RBFOX1: variants seen among roughly 807,000 people sequenced by gnomAD.
RBFOX1 encodes the protein RNA binding protein fox-1 homolog 1.
RBFOX1 carries 8 observed loss-of-function variants against 57.7 expected under a neutral mutation model. That is an observed-to-expected ratio of 0.14 (90% CI 0.08 to 0.25). The LOEUF (loss-of-function observed/expected upper bound fraction) is 0.25. Among genes scored for constraint, RBFOX1 ranks in the 10% least tolerant of loss-of-function variants. RBFOX1 has a pLI of 1.00. For missense variants in RBFOX1, 611 were observed against 548.5 expected (o/e 1.11, Z -1.14); for synonymous variants, 326 against 222.4 (o/e 1.47, Z -4.15).
At position 5,544,087 on chromosome 16, in the gene RBFOX1, C is replaced by A. The variant is rs73522737; in HGVS notation, c.259-54815C>A. On this transcript the variant is annotated intron_variant, in intron 2 of 2. Coordinates refer to the RBFOX1 transcript ENST00000585867. ...TTTGACCTAACTGAAGCTTACAGAGCCCACCACCCAACAACAGGATACACA... is the reference window on the plus strand; with the variant it reads ...TTTGACCTAACTGAAGCTTACAGAGACCACCACCCAACAACAGGATACACA... Among the ~76,000 whole-genome samples the A allele has an allele frequency of 7.3e-3, 1,116 of 152,226 alleles. 19 individuals carry two copies. Among genetic ancestry groups the A allele is most frequent in the African/African-American group, 0.025 (1,032 of 41,542 alleles).
intron 2 of RBFOX1, among the ~76,000 whole-genome samples, chr16:6,403,486 C>A (rs2093159101): frequency 6.6e-6 from 1 of 151,966 alleles, no homozygotes; most frequent in South Asian, 2.1e-4. Flanking sequence ...TCCTGAACCT[C>A]CCCAGTAGCT....
At chr16:6,950,970 A>G (rs1210722190) in intron 3 of RBFOX1, among the ~76,000 whole-genome samples, 1 of 151,416 alleles carries the variant, frequency 6.6e-6, no homozygotes, top group Non-Finnish European at 1.5e-5. Flanking sequence ...CAGTGGCATG[A>G]TCACAGCTCA....
At chr16:5,298,910 T>C (rs930279936) in intron 1 of RBFOX1, among the ~76,000 whole-genome samples, 2 of 104,282 alleles carry the variant, frequency 1.9e-5, no homozygotes, top group African/African-American at 7.7e-5. Context: ...GAGTTTGAGA[T>C]AGGTGGACTT....
chr16:6,811,524 C>A (rs1453468144), intron 3 of RBFOX1, among the ~76,000 whole-genome samples: 2 of 152,108 alleles, frequency 1.3e-5, no homozygotes, highest in African/African-American at 2.4e-5. Context: ...AGTCCTCAGA[C>A]CACAGTTAAA....
chr16:7,684,371 A>T (rs1358714442), intron 14 of RBFOX1, among the ~76,000 whole-genome samples: 1 of 152,088 alleles, frequency 6.6e-6, no homozygotes, highest in African/African-American at 2.4e-5. Context: ...GTGGGGCAAA[A>T]ACTAGGGAGA....
intron 2 of RBFOX1, among the ~76,000 whole-genome samples, chr16:6,487,848 A>G (rs750876275): frequency 6.6e-6 from 1 of 150,578 alleles, no homozygotes; most frequent in African/African-American, 2.5e-5. Context: ...TAATGAGCCA[A>G]ATCTCTCCCT....
chr16:7,556,036 C>A (rs150303631), intron 5 of RBFOX1, among the ~76,000 whole-genome samples: 4 of 152,126 alleles, frequency 2.6e-5, no homozygotes, highest in African/African-American at 9.7e-5. Context: ...TTAGTTGAAC[C>A]TAAATATTAA....
upstream of RBFOX1, among the ~76,000 whole-genome samples, chr16:6,014,904 G>A (rs2094984011): frequency 6.6e-6 from 1 of 150,716 alleles, no homozygotes; most frequent in African/African-American, 2.5e-5. Context: ...TGCCCAGGCT[G>A]GAGTACAGTG....
chr16:5,766,283 T>C (rs894550490), intron 3 of RBFOX1, among the ~76,000 whole-genome samples: 1 of 152,118 alleles, frequency 6.6e-6, no homozygotes, highest in African/African-American at 2.4e-5. Flanking sequence ...GGAGGTATCA[T>C]GCACTTTAAA....
At chr16:7,008,078 A>C (rs1173242821) in intron 3 of RBFOX1, among the ~76,000 whole-genome samples, 2 of 152,184 alleles carry the variant, frequency 1.3e-5, no homozygotes, top group African/African-American at 4.8e-5. Context: ...TCCAGTTTTC[A>C]GCCACAGCTA....
At chr16:6,571,535 G>A (rs901600520) in intron 2 of RBFOX1, among the ~76,000 whole-genome samples, 25 of 152,054 alleles carry the variant, frequency 1.6e-4, no homozygotes, top group African/African-American at 5.1e-4. Context: ...TTTGTGTGCT[G>A]GGGTAGTCGG....
intron 1 of RBFOX1, among the ~76,000 whole-genome samples, chr16:6,180,092 C>T (rs2097050751): frequency 6.6e-6 from 1 of 151,902 alleles, no homozygotes; most frequent in Non-Finnish European, 1.5e-5. Context: ...TGTAGATCTG[C>T]AGTATTCTTT....
At chr16:6,956,309 C>G (rs762908404) in intron 3 of RBFOX1, among the ~76,000 whole-genome samples, 2 of 152,230 alleles carry the variant, frequency 1.3e-5, no homozygotes, top group African/African-American at 2.4e-5. Context: ...TAAGGAATCC[C>G]CATTCGTCAT....
chr16:6,846,301 A>G (rs1401862349), intron 3 of RBFOX1, among the ~76,000 whole-genome samples: 1 of 152,148 alleles, frequency 6.6e-6, no homozygotes, highest in Non-Finnish European at 1.5e-5. Context: ...ATCAAGAAAC[A>G]TGGACACATC....
chr16:7,370,934 A>C (rs2097553804), intron 4 of RBFOX1, among the ~76,000 whole-genome samples: 1 of 152,214 alleles, frequency 6.6e-6, no homozygotes, highest in Non-Finnish European at 1.5e-5. Context: ...GGGTGAGTGG[A>C]ATACTGATGC....
At chr16:6,705,876 G>C (rs979800445) in intron 3 of RBFOX1, among the ~76,000 whole-genome samples, 1 of 152,072 alleles carries the variant, frequency 6.6e-6, no homozygotes. Flanking sequence ...ACATTAGCTG[G>C]GCATGGTGGT....
At chr16:7,457,667 G>A (rs2058785956) in intron 4 of RBFOX1, among the ~76,000 whole-genome samples, 1 of 152,032 alleles carries the variant, frequency 6.6e-6, no homozygotes, top group African/African-American at 2.4e-5. Flanking sequence ...CTTGGTTTGA[G>A]GGATTTGCCT....
At chr16:7,564,754 C>T (rs2091283346) in intron 5 of RBFOX1, among the ~76,000 whole-genome samples, 1 of 151,980 alleles carries the variant, frequency 6.6e-6, no homozygotes, top group African/African-American at 2.4e-5. Context: ...AGGCTGTCTC[C>T]TTTACTGATG....
At chr16:7,083,469 A>G (rs2059508494) in intron 4 of RBFOX1, among the ~76,000 whole-genome samples, 1 of 152,080 alleles carries the variant, frequency 6.6e-6, no homozygotes, top group African/African-American at 2.4e-5. Flanking sequence ...TAAAAAAACA[A>G]GAAATGACAC....
Sources: allele counts gnomAD v4.1 joint callset (sites outside exome capture counted in the v4.1 genomes callset), GRCh38; gene constraint gnomAD v4.1.1; transcripts MANE v1.5; gene names NCBI Gene and HGNC (gene_info 2026-07-23, HGNC 2026-07-21).